GPSM1: variants seen among roughly 807,000 people sequenced by gnomAD.
GPSM1 encodes the protein G protein-signaling modulator 1.
A neutral mutation model predicts 70.5 loss-of-function variants in GPSM1; 48 were observed. The observed-to-expected ratio is 0.68, with a 90% confidence interval of 0.54 to 0.87. The LOEUF (loss-of-function observed/expected upper bound fraction) is 0.87. Ranked by LOEUF, GPSM1 falls within the 40% of genes least tolerant of loss-of-function variation. GPSM1 has a pLI of 0.00. For missense variants in GPSM1, 981 were observed against 972.6 expected, an observed-to-expected ratio of 1.01 and a Z score of -0.11; for synonymous variants, 416 against 430.1, an observed-to-expected ratio of 0.97 and a Z score of 0.41.
intron 2 of GPSM1, 78 bp from the exon 3 acceptor site, chr9:136,335,888 C>A (rs537231085): frequency 1.4e-6 from 2 of 1,449,926 alleles, no homozygotes; most frequent in South Asian, 1.2e-5. Context: ...AGCTACCCCA[C>A]CCCATGCTCA....
In GPSM1 at chr9:136,338,652, G is replaced by A. The variant is rs782049329; in HGVS notation, c.916G>A (p.Glu306Lys). The change falls in exon 7 of 14, where the codon GAG (glutamate) becomes AAG (lysine). Residue 306 changes from glutamate to lysine, a missense_variant. Transcript: ENST00000440944. ...CACCTACACGCTGCTGCAGGACTACGAGCGCGCGGCCGAGTACCACCTGCG... is the reference window on the plus strand; with the variant it reads ...CACCTACACGCTGCTGCAGGACTACAAGCGCGCGGCCGAGTACCACCTGCG... ...GNTYTLLQDYERAAEYHLRHL... is the reference protein window; with the variant it reads ...GNTYTLLQDYKRAAEYHLRHL... 1.7e-5 allele frequency: 27 copies of A among 1,593,820 alleles called. No individual in the cohort carries two copies. Among genetic ancestry groups the A allele is most frequent in the Middle Eastern group, 1.7e-4 (1 of 6,030 alleles).
Position 136,339,716 on chromosome 9 carries a change from G to A in GPSM1, c.984G>A (p.Glu328=), listed in dbSNP as rs1292361427. 3 of 1,549,312 alleles carry A rather than the reference G, an allele frequency of 1.9e-6. No homozygotes were observed. The highest frequency in any genetic ancestry group is 2.6e-6 in the Non-Finnish European group (3 of 1,146,066). Residue 328 remains glutamate, a synonymous_variant, in exon 8 of 14, where the codon GAG becomes GAA. Coordinates refer to ENST00000440944, the MANE Select transcript of GPSM1 (RefSeq NM_001145638.3). ...TCTCCCTCTCTGGCAGAGTGGGCGA[G>A]GGCCGGGCGTGCTGGAGCCTGGGAA... is the stretch of plus-strand genomic sequence containing the variant. ...IAQELADRVG[E]GRACWSLGNA...
intron 11 of GPSM1, among the ~76,000 whole-genome samples, chr9:136,353,779 G>C (rs1433251786): frequency 6.6e-6 from 1 of 152,150 alleles, no homozygotes; most frequent in Non-Finnish European, 1.5e-5. Flanking sequence ...CCCCGCGGCT[G>C]TGCCCTAGGT....
In GPSM1 at chr9:136,357,945, C is replaced by A; in HGVS notation, c.1822-69C>A. ...AGTGCACGCTGGCCTCTGGAACCAC[C>A]GCTGCTGACCAGCCCCGGACCACTG... is the stretch of plus-strand genomic sequence containing the variant. On this transcript the variant is annotated intron_variant, in intron 13 of 13. Coordinates refer to ENST00000440944, the MANE Select transcript of GPSM1 (RefSeq NM_001145638.3). 8 of 1,276,628 alleles carry A rather than the reference C, an allele frequency of 6.3e-6. No homozygotes were observed. In the South Asian group the frequency reaches 9.6e-5, roughly 15 times the overall value. 79.1% of individuals were successfully genotyped at this position (1,276,628 alleles called of 1,614,324 possible).
rs1326908158 is a variant in GPSM1 at position 136,340,946 on chromosome 9, G to T, written c.1160G>T (p.Ser387Ile). 20 of 1,564,248 alleles carry T rather than the reference G, an allele frequency of 1.3e-5. No individual in the cohort carries two copies. Among genetic ancestry groups the T allele is most frequent in the South Asian group, 1.1e-4 (9 of 85,030 alleles). Residue 387 changes from serine (S) to isoleucine (I), a missense_variant, in exon 9 of 14, where the codon AGC becomes ATC. Physicochemically the swap from Ser to Ile is moderately radical, Grantham distance 142 (BLOSUM62 -2). Coordinates refer to ENST00000440944, the MANE Select transcript of GPSM1 (RefSeq NM_001145638.3). The surrounding 1 kb of genome is among the most constrained non-coding windows in gnomAD (Gnocchi z 7.3). The part of the protein sequence containing the change: ...QLQLVLGRLT[S>I]PAASEKPDLA... ...CAGCTGGTGCTCGGCCGCCTGACCA[G>T]CCCGGCAGCCTCAGAGAAGCCTGAC... is the stretch of plus-strand genomic sequence containing the variant.
rs1161890037 is a variant in GPSM1, at chr9:136,340,474, A to C, written c.1084-396A>C. Among the ~76,000 whole-genome samples, 8 of 151,742 alleles carry C rather than the reference A, an allele frequency of 5.3e-5. No individual in the cohort carries two copies. The highest frequency in any genetic ancestry group is 1.9e-4 in the African/African-American group (8 of 41,304). Reference sequence around the variant, plus strand: ...CACCTCTCTTCTGCTTGACTTAAGCAAACAGTTAGTTCCTGAGTGATGTGG... The same window carrying C: ...CACCTCTCTTCTGCTTGACTTAAGCCAACAGTTAGTTCCTGAGTGATGTGG... On this transcript the variant is annotated intron_variant, in intron 8 of 13. Transcript: ENST00000440944. This position sits in a 1 kb window ranked among gnomAD's most constrained non-coding sequence, Gnocchi z 7.3.
intron 9 of GPSM1, among the ~76,000 whole-genome samples, chr9:136,347,784 T>C (rs1554771499): frequency 1.3e-5 from 2 of 152,350 alleles, no homozygotes; most frequent in East Asian, 3.9e-4. Flanking sequence ...GTGCCCTGGA[T>C]ACAGGCTCCT....
At chr9:136,337,636 G>A (rs544071144) in intron 5 of GPSM1, 72 bp downstream of exon 5, 34 of 1,449,140 alleles carry the variant, frequency 2.3e-5, no homozygotes, top group Admixed American at 1.4e-4. Context: ...CCCTCTTGGC[G>A]GTCCCTGAAA....
rs1273547298 is a variant in GPSM1 at position 136,340,584 on chromosome 9, G to A, written c.1084-286G>A. The stretch of plus-strand genomic sequence containing the variant: ...GCAGCCGGGCGGGGCCGGGCCCCTC[G>A]CGCACCGGAGGGCACAGGCCCAACC... On this transcript the variant is annotated intron_variant, in intron 8 of 13. Transcript: ENST00000440944. This position sits in a 1 kb window ranked among gnomAD's most constrained non-coding sequence, Gnocchi z 7.3. Among the ~76,000 whole-genome samples, 2 of 152,152 alleles carry A rather than the reference G, an allele frequency of 1.3e-5. No individual in the cohort carries two copies. The highest frequency in any genetic ancestry group is 1.9e-4 in the East Asian group (1 of 5,146).
At chr9:136,349,537 G>T (rs1024120805) in intron 10 of GPSM1, 50 bp from the exon 11 acceptor site, 9 of 1,496,954 alleles carry the variant, frequency 6.0e-6, no homozygotes, top group Non-Finnish European at 8.1e-6. Context: ...CTGGGATGGG[G>T]ACATTGGTTC....
rs1172698356 is a variant in GPSM1 at position 136,356,777 on chromosome 9, C to T, written c.1821+227C>T. On this transcript the variant is annotated intron_variant, in intron 13 of 13. Coordinates refer to ENST00000440944, the MANE Select transcript of GPSM1 (RefSeq NM_001145638.3). ...CTGCTGGAGACACCAGAGACCCCCCCTGGCAACCCCAGGACACTCCCAGGC... is the reference window on the plus strand; with the variant it reads ...CTGCTGGAGACACCAGAGACCCCCCTTGGCAACCCCAGGACACTCCCAGGC... Among the ~76,000 whole-genome samples, 3 of 152,186 alleles carry T rather than the reference C, an allele frequency of 2.0e-5. No individual in the cohort carries two copies. The East Asian group carries it at 5.8e-4, about 29-fold the overall frequency.
At chr9:136,348,645 C>G in intron 9 of GPSM1, 52 bp from the exon 10 acceptor site, 1 of 1,401,738 alleles carries the variant, frequency 7.1e-7, no homozygotes. Flanking sequence ...CTGGCCCACC[C>G]AATGCGAGGT....
chr9:136,338,710 G>A lies in GPSM1; in HGVS notation c.974G>A (p.Arg325Lys), dbSNP rs1554769720. The A allele has an allele frequency of 6.4e-7, 1 of 1,550,562 alleles. No homozygotes were observed. The highest frequency in any genetic ancestry group is 2.4e-5 in the East Asian group (1 of 41,578). Reference sequence around the variant, plus strand: ...CTCATTGCCCAGGAGCTGGCCGACAGGTGCGTGGGCGCGGACGCGGCGGGC... The same window carrying A: ...CTCATTGCCCAGGAGCTGGCCGACAAGTGCGTGGGCGCGGACGCGGCGGGC... ...HLLIAQELAD[R>K]VGEGRACWSL... The change falls in exon 7 of 14, where the codon AGA (arginine) becomes AAA (lysine). Residue 325 changes from arginine to lysine, a missense_variant and splice_region_variant. Physicochemically the swap from Arg to Lys is conservative, Grantham distance 26 (BLOSUM62 2). Transcript: ENST00000440944.
At chr9:136,356,880 A>G (rs564291592) in intron 13 of GPSM1, among the ~76,000 whole-genome samples, 120 of 152,232 alleles carry the variant, frequency 7.9e-4, no homozygotes, top group African/African-American at 2.7e-3. Context: ...GGCCTCAGGG[A>G]TTCCCCACCA....
Position 136,353,727 on chromosome 9 carries a change from G to A in GPSM1, c.1456-1963G>A, listed in dbSNP as rs1247744084. ...ACCTTGCTCAGTCCACCTGGGCCCC[G>A]GGTCACCTGGGGGAGTCCAGATTGG... On this transcript the variant is annotated intron_variant, in intron 11 of 13. Transcript: ENST00000440944. Among the ~76,000 whole-genome samples, 7 of 152,208 alleles carry A rather than the reference G, an allele frequency of 4.6e-5. No individual in the cohort carries two copies. In the East Asian group the frequency reaches 9.6e-4, roughly 21 times the overall value.
chr9:136,349,338 A>C (rs28439345), intron 10 of GPSM1, among the ~76,000 whole-genome samples: 22,519 of 152,272 alleles, frequency 0.15, 1,745 homozygotes, highest in East Asian at 0.28. Flanking sequence ...AAGGACGCCC[A>C]CAGTCACTGT....
Position 136,340,978 on chromosome 9 carries a change from G to A in GPSM1, c.1192G>A (p.Gly398Ser), listed in dbSNP as rs368633724. 33 of 1,565,190 alleles carry A rather than the reference G, an allele frequency of 2.1e-5. No individual in the cohort carries two copies. In the African/African-American group the frequency reaches 2.3e-4, roughly 11 times the overall value. The change falls in exon 9 of 14, where the codon GGC becomes AGC. Residue 398 changes from glycine (G) to serine (S), a missense_variant. Physicochemically the swap from Gly to Ser is moderately conservative, Grantham distance 56 (BLOSUM62 0). Transcript: ENST00000440944. The surrounding 1 kb of genome is among the most constrained non-coding windows in gnomAD (Gnocchi z 7.3). ...PAASEKPDLAGYEAQGARPKR... is the reference protein window; with the variant it reads ...PAASEKPDLASYEAQGARPKR... ...AGCCTCAGAGAAGCCTGACCTGGCCGGCTATGAGGCCCAGGGTGAGTTCCA... is the reference window on the plus strand; with the variant it reads ...AGCCTCAGAGAAGCCTGACCTGGCCAGCTATGAGGCCCAGGGTGAGTTCCA...
At chr9:136,352,754 A>G (rs1181676653) in intron 11 of GPSM1, among the ~76,000 whole-genome samples, 2 of 152,220 alleles carry the variant, frequency 1.3e-5, no homozygotes, top group African/African-American at 2.4e-5. Flanking sequence ...CTCTGGAGGG[A>G]GGCCCAGGGG....
chr9:136,338,130 G>A (rs939661561), intron 6 of GPSM1, among the ~76,000 whole-genome samples, 169 bp downstream of exon 6: 2 of 152,224 alleles, frequency 1.3e-5, no homozygotes, highest in Non-Finnish European at 2.9e-5. Context: ...CAAAGCTCAT[G>A]GGGAGGCAGG....
Sources: allele counts gnomAD v4.1 joint callset (sites outside exome capture counted in the v4.1 genomes callset), GRCh38; gene constraint gnomAD v4.1.1; non-coding constraint Gnocchi (gnomAD v3.1); transcripts MANE v1.5; gene names NCBI Gene and HGNC (gene_info 2026-07-23, HGNC 2026-07-21).